Variants in ZNF469 observed in about 807,000 individuals in gnomAD.
The protein encoded by ZNF469 is zinc finger protein 469.
In ZNF469, 1 loss-of-function variant was observed where a neutral mutation model predicts 1.0. That is an observed-to-expected ratio of 1.00 (90% CI 0.35 to 4.73). The LOEUF (loss-of-function observed/expected upper bound fraction) is 4.73, where lower values mean the gene tolerates loss of function less well. Among genes scored for constraint, ZNF469 ranks in the 30% most tolerant of loss-of-function variants. The pLI, the probability that ZNF469 is intolerant of heterozygous loss-of-function variation, is 0.16. For synonymous variants in ZNF469, 2,703 were observed against 2,363.4 expected (o/e 1.14, Z -4.17); for missense variants, 6,100 against 5,356.3 (o/e 1.14, Z -4.33).
the ZNF469 span, among the ~76,000 whole-genome samples, chr16:88,244,213 A>C: frequency 2.3e-5 from 3 of 129,316 alleles, no homozygotes; most frequent in Non-Finnish European, 3.2e-5. Flanking sequence ...ACATGCATTT[A>C]TGCATGCATG....
the ZNF469 span, among the ~76,000 whole-genome samples, chr16:88,115,516 G>A: frequency 6.6e-6 from 1 of 151,904 alleles, no homozygotes; most frequent in African/African-American, 2.4e-5. Context: ...GTTTATCTGG[G>A]ATGGCCATGG....
At chr16:88,411,487 TGC>T (rs1905162738) in intron 1 of ZNF469, among the ~76,000 whole-genome samples, 2 of 5,324 alleles carry the variant, frequency 3.8e-4, no homozygotes, top group African/African-American at 5.7e-4. Flanking sequence ...CAGGCAGGGG[TGC>T]GAGCGGGCAG....
the ZNF469 span, among the ~76,000 whole-genome samples, chr16:88,137,098 T>C: frequency 2.0e-5 from 3 of 152,108 alleles, no homozygotes; most frequent in Non-Finnish European, 4.4e-5. Flanking sequence ...ACCATGCATG[T>C]GCAAGTCATG....
chr16:88,421,159 C>T (rs1276761733), intron 1 of ZNF469, among the ~76,000 whole-genome samples: 3 of 150,560 alleles, frequency 2.0e-5, no homozygotes, highest in African/African-American at 7.4e-5. Context: ...GGGGCAGAAG[C>T]GTGGGGGCAG....
At chr16:88,426,347 C>A (rs898327324) in intron 2 of ZNF469, among the ~76,000 whole-genome samples, 1 of 152,266 alleles carries the variant, frequency 6.6e-6, no homozygotes, top group Non-Finnish European at 1.5e-5. Flanking sequence ...GTGTAAAGGA[C>A]GCCCGGTCCC....
the ZNF469 span, among the ~76,000 whole-genome samples, chr16:88,110,249 G>T: frequency 6.6e-6 from 1 of 152,188 alleles, no homozygotes; most frequent in Non-Finnish European, 1.5e-5. Context: ...ACCCCCGGGG[G>T]GCCGCCTCCT....
chr16:88,145,093 G>A, the ZNF469 span, among the ~76,000 whole-genome samples: 1 of 151,366 alleles, frequency 6.6e-6, no homozygotes, highest in South Asian at 2.1e-4. Flanking sequence ...CAAGTGATCC[G>A]CCCACCTCAG....
rs999315157 is a variant in ZNF469, at chr16:88,435,587, C to T, written c.8117C>T (p.Ala2706Val). ...ATLGPGVMEG[A>V]AETDQEALCA... ...CTGGGACCTGGGGTGATGGAGGGTG[C>T]AGCGGAGACTGACCAGGAGGCTCTG... Residue 2706 changes from alanine to valine, a missense_variant, in exon 3 of 3, where the codon GCA becomes GTA. By Grantham distance (64) the Ala-to-Val change is moderately conservative. Transcript: ENST00000565624. The T allele has an allele frequency of 4.5e-6, 7 of 1,549,976 alleles. No homozygotes were observed. The highest frequency in any genetic ancestry group is 6.1e-6 in the Non-Finnish European group (7 of 1,146,906).
the ZNF469 span, among the ~76,000 whole-genome samples, chr16:88,183,191 G>C: frequency 6.6e-6 from 1 of 152,196 alleles, no homozygotes; most frequent in African/African-American, 2.4e-5. Context: ...TGAAAATGCC[G>C]CGCGCCTGGA....
At chr16:88,347,772 G>T in the ZNF469 span, among the ~76,000 whole-genome samples, 132 of 152,256 alleles carry the variant, frequency 8.7e-4, no homozygotes, top group African/African-American at 2.6e-3. Flanking sequence ...CACCCCAAAG[G>T]CGTCTCAAGT....
the ZNF469 span, among the ~76,000 whole-genome samples, chr16:88,208,777 G>GCACACACACACA: frequency 2.8e-3 from 360 of 129,964 alleles, 2 homozygotes; most frequent in South Asian, 0.011. Context: ...GCGCGTGCGC[G>GCACACACACACA]CGCACACACA....
the ZNF469 span, among the ~76,000 whole-genome samples, chr16:88,259,871 A>T: frequency 6.6e-6 from 1 of 151,998 alleles, no homozygotes; most frequent in Non-Finnish European, 1.5e-5. This position sits in a 1 kb window ranked among gnomAD's most constrained non-coding sequence, Gnocchi z 4.1. Context: ...CTGATGTCTT[A>T]CTCCTAGGAC....
rs901947177 is a variant in ZNF469 at position 88,433,172 on chromosome 16, C to G, written c.5702C>G (p.Pro1901Arg). ...RRSQDPALSPPIRQLQLPGPG... is the reference protein window; with the variant it reads ...RRSQDPALSPRIRQLQLPGPG... The stretch of plus-strand genomic sequence containing the variant: ...TCCCAGGACCCAGCTTTGAGCCCCC[C>G]CATACGTCAGCTCCAGCTCCCAGGG... Residue 1901 changes from proline to arginine, a missense_variant, in exon 3 of 3, where the codon CCC becomes CGC. Coordinates refer to ENST00000565624, the MANE Select transcript of ZNF469 (RefSeq NM_001367624.2). 7.7e-6 allele frequency: 12 copies of G among 1,550,204 alleles called. No individual in the cohort carries two copies. The Admixed American group carries it at 2.0e-4, about 25-fold the overall frequency.
the ZNF469 span, among the ~76,000 whole-genome samples, chr16:88,109,021 C>T: frequency 3.3e-5 from 5 of 152,218 alleles, no homozygotes; most frequent in East Asian, 7.7e-4. Context: ...GACTGTTGTG[C>T]TTTTTAGCCA....
chr16:88,423,856 A>C (rs1905587945), intron 1 of ZNF469, among the ~76,000 whole-genome samples: 2 of 152,252 alleles, frequency 1.3e-5, no homozygotes, highest in Non-Finnish European at 2.9e-5. Flanking sequence ...TTTAGGGCCC[A>C]ATCTTGAAGT....
the ZNF469 span, among the ~76,000 whole-genome samples, chr16:88,327,551 G>C: frequency 6.6e-6 from 1 of 151,828 alleles, no homozygotes; most frequent in African/African-American, 2.4e-5. Context: ...TCACGTTGGG[G>C]TTGGGGGGGG....
At chr16:88,409,375 G>A (rs911732612) in intron 1 of ZNF469, among the ~76,000 whole-genome samples, 1 of 152,236 alleles carries the variant, frequency 6.6e-6, no homozygotes, top group African/African-American at 2.4e-5. Context: ...CTAGACAAAC[G>A]TGAAAGCGGG....
intron 1 of ZNF469, among the ~76,000 whole-genome samples, chr16:88,417,495 C>T (rs1905335191): frequency 6.6e-6 from 1 of 152,224 alleles, no homozygotes; most frequent in African/African-American, 2.4e-5. Context: ...CTGTATTCAC[C>T]TTGGCTCTGC....
At chr16:88,397,173 A>G (rs1162212128) in intron 1 of ZNF469, among the ~76,000 whole-genome samples, 1 of 152,236 alleles carries the variant, frequency 6.6e-6, no homozygotes, top group Non-Finnish European at 1.5e-5. Context: ...TGACCAGCAC[A>G]GCAAAAGCAC....
Sources: allele counts gnomAD v4.1 joint callset (sites outside exome capture counted in the v4.1 genomes callset), GRCh38; gene constraint gnomAD v4.1.1; non-coding constraint Gnocchi (gnomAD v3.1); transcripts MANE v1.5; gene names NCBI Gene and HGNC (gene_info 2026-07-23, HGNC 2026-07-21).